Variants in CPAP observed in about 807,000 individuals in gnomAD.
CPAP encodes the protein centrosome assembly and centriole elongation protein, also known as centrosomal P4.1-associated protein.
At chr13:24,905,334 GCTCTGA>G in the CPAP span, 2 of 1,609,930 alleles carry the variant, frequency 1.2e-6, no homozygotes, top group Non-Finnish European at 1.7e-6. Context: ...ATTTTATAAT[GCTCTGA>G]CTCACCAGGT....
chr13:24,914,936 G>A, the CPAP span, among the ~76,000 whole-genome samples: 1 of 152,030 alleles, frequency 6.6e-6, no homozygotes, highest in African/African-American at 2.4e-5. Context: ...TTAGCCAGGC[G>A]TCAGGGTGCA....
the CPAP span, chr13:24,884,523 TCTC>T: frequency 6.5e-7 from 1 of 1,542,960 alleles, no homozygotes; most frequent in Non-Finnish European, 9.0e-7. Context: ...TATGGCTAAT[TCTC>T]CTCCCAACTG....
chr13:24,908,613 T>TA, the CPAP span, among the ~76,000 whole-genome samples: 2 of 151,312 alleles, frequency 1.3e-5, no homozygotes, highest in East Asian at 1.9e-4. Flanking sequence ...TAAAATAAAA[T>TA]AAAGACACTT....
chr13:24,923,414 A>C, the CPAP span, among the ~76,000 whole-genome samples: 2 of 152,204 alleles, frequency 1.3e-5, no homozygotes, highest in Non-Finnish European at 2.9e-5. Flanking sequence ...CACTCCAAAA[A>C]TAGGCATCTT....
chr13:24,916,890 C>T, the CPAP span, among the ~76,000 whole-genome samples: 1 of 152,088 alleles, frequency 6.6e-6, no homozygotes, highest in Non-Finnish European at 1.5e-5. Flanking sequence ...TGAATATATC[C>T]AAGATATGTT....
At chr13:24,907,411 C>T in the CPAP span, among the ~76,000 whole-genome samples, 1 of 152,134 alleles carries the variant, frequency 6.6e-6, no homozygotes, top group African/African-American at 2.4e-5. Flanking sequence ...GTCCTAAGAA[C>T]CCTTCTGAAG....
At chr13:24,910,211 G>A in the CPAP span, 1 of 901,040 alleles carries the variant, frequency 1.1e-6, no homozygotes, top group East Asian at 2.5e-5. Flanking sequence ...CCCTTTATTA[G>A]GAAATGGTGT....
At chr13:24,893,109 A>G in the CPAP span, among the ~76,000 whole-genome samples, 1 of 152,198 alleles carries the variant, frequency 6.6e-6, no homozygotes, top group African/African-American at 2.4e-5. Flanking sequence ...CAGACAGCAC[A>G]TGGGAGCTGA....
At chr13:24,882,968 C>G in the CPAP span, 2 of 572,170 alleles carry the variant, frequency 3.5e-6, no homozygotes, top group East Asian at 3.0e-5. Flanking sequence ...TTTCCTTAGT[C>G]TATTGAAAGA....
the CPAP span, chr13:24,883,420 T>TAAAC: frequency 1.4e-6 from 2 of 1,415,614 alleles, no homozygotes; most frequent in Non-Finnish European, 1.9e-6. Flanking sequence ...TAATAGAAAA[T>TAAAC]AAACAACAGA....
At chr13:24,906,104 C>A in the CPAP span, 3 of 1,612,558 alleles carry the variant, frequency 1.9e-6, no homozygotes, top group Non-Finnish European at 2.5e-6. Context: ...CTCCTTCTCA[C>A]GTGCAGTGTG....
At chr13:24,894,009 C>T in the CPAP span, among the ~76,000 whole-genome samples, 1 of 151,908 alleles carries the variant, frequency 6.6e-6, no homozygotes, top group Non-Finnish European at 1.5e-5. Flanking sequence ...CAGGATGACA[C>T]GTGCTGGGTG....
At chr13:24,903,780 A>G in the CPAP span, 34 of 944,166 alleles carry the variant, frequency 3.6e-5, 1 homozygote, top group South Asian at 4.6e-4. Context: ...TTATTCAGTA[A>G]AAAAAACTTA....
the CPAP span, chr13:24,912,965 TC>T: frequency 6.2e-7 from 1 of 1,614,068 alleles, no homozygotes; most frequent in Admixed American, 1.7e-5. Flanking sequence ...GGATTGGTCA[TC>T]CACTGGGTTA....
chr13:24,918,842 A>G, the CPAP span, among the ~76,000 whole-genome samples: 1 of 152,172 alleles, frequency 6.6e-6, no homozygotes, highest in African/African-American at 2.4e-5. Context: ...CTCGAGGGTG[A>G]CAGAAGTGGA....
chr13:24,920,254 A>G, the CPAP span, among the ~76,000 whole-genome samples: 6 of 152,238 alleles, frequency 3.9e-5, no homozygotes, highest in African/African-American at 1.4e-4. Flanking sequence ...TCATGAATAT[A>G]GTTGTTACAA....
At chr13:24,903,532 C>CATCAAAAA in the CPAP span, among the ~76,000 whole-genome samples, 1 of 152,214 alleles carries the variant, frequency 6.6e-6, no homozygotes, top group Non-Finnish European at 1.5e-5. Flanking sequence ...GCCCGCCTTG[C>CATCAAAAA]TGATGCCCGG....
At chr13:24,914,551 T>C in the CPAP span, among the ~76,000 whole-genome samples, 11 of 152,316 alleles carry the variant, frequency 7.2e-5, no homozygotes, top group South Asian at 2.1e-3. Flanking sequence ...GAACATCTGT[T>C]TGTATGGAGC....
the CPAP span, among the ~76,000 whole-genome samples, chr13:24,883,716 T>G: frequency 4.6e-5 from 7 of 152,102 alleles, no homozygotes; most frequent in African/African-American, 1.7e-4. Flanking sequence ...GGGAAGAGAG[T>G]TAGTTATTCC....
Sources: gnomAD v4.1 joint callset for allele counts (sites outside exome capture counted in the v4.1 genomes callset) on GRCh38, gnomAD v4.1.1 for gene constraint, MANE v1.5 for transcripts, NCBI Gene and HGNC (gene_info 2026-07-23, HGNC 2026-07-21) for gene names.